PHACTR1: variants seen among roughly 807,000 people sequenced by gnomAD.
The protein encoded by PHACTR1 is phosphatase and actin regulator 1.
In PHACTR1, 16 loss-of-function variants were observed where a neutral mutation model predicts 69.2. That is an observed-to-expected ratio of 0.23 (90% CI 0.16 to 0.35). The LOEUF is 0.35. Ranked by LOEUF, PHACTR1 falls within the 10% of genes least tolerant of loss-of-function variation. The probability of loss-of-function intolerance (pLI) is 1.00; values close to 1 mark genes in which losing one functional copy is unlikely to be tolerated. For synonymous variants in PHACTR1, 312 were observed against 284.5 expected, an observed-to-expected ratio of 1.10 and a Z score of -0.97; for missense variants, 510 against 734.7, an observed-to-expected ratio of 0.69 and a Z score of 3.54.
intron 10 of PHACTR1, among the ~76,000 whole-genome samples, chr6:13,263,906 A>G (rs1045361854): frequency 6.6e-6 from 1 of 152,174 alleles, no homozygotes; most frequent in East Asian, 1.9e-4. Flanking sequence ...TAAGAGATGC[A>G]CCAGGTACAT....
chr6:13,217,337 A>G (rs1767840436), intron 8 of PHACTR1, among the ~76,000 whole-genome samples: 1 of 152,190 alleles, frequency 6.6e-6, no homozygotes, highest in South Asian at 2.1e-4. Flanking sequence ...GACTCGCACC[A>G]TTCTGCTGAC....
chr6:12,968,801 A>G (rs769389658), intron 4 of PHACTR1, among the ~76,000 whole-genome samples: 1 of 152,226 alleles, frequency 6.6e-6, no homozygotes, highest in Non-Finnish European at 1.5e-5. Flanking sequence ...CTAGAGTTCA[A>G]TGAAGGCATT....
intron 4 of PHACTR1, among the ~76,000 whole-genome samples, chr6:12,893,755 C>T (rs1784377730): frequency 6.6e-6 from 1 of 152,172 alleles, no homozygotes; most frequent in Admixed American, 6.5e-5. Flanking sequence ...GCTACTTCTC[C>T]CTCAGGGACA....
chr6:13,091,885 C>T (rs1813339936), intron 5 of PHACTR1, among the ~76,000 whole-genome samples: 1 of 152,156 alleles, frequency 6.6e-6, no homozygotes, highest in Non-Finnish European at 1.5e-5. Context: ...GCAACCTCTG[C>T]CTCCTGAGTT....
chr6:13,161,880 G>T (rs1759068711), intron 6 of PHACTR1, among the ~76,000 whole-genome samples: 1 of 152,198 alleles, frequency 6.6e-6, no homozygotes, highest in African/African-American at 2.4e-5. Flanking sequence ...GAATGTGAAG[G>T]TGCATGATTC....
intron 4 of PHACTR1, among the ~76,000 whole-genome samples, chr6:12,805,611 C>CTTTTT (rs1216399730): frequency 2.0e-5 from 3 of 150,456 alleles, no homozygotes; most frequent in Non-Finnish European, 4.4e-5. Context: ...TTCTTTCTTT[C>CTTTTT]TTTTTTTTGG....
At chr6:13,200,699 C>G (rs770408380) in intron 7 of PHACTR1, among the ~76,000 whole-genome samples, 45 of 151,632 alleles carry the variant, frequency 3.0e-4, no homozygotes, top group South Asian at 1.0e-3. Context: ...TTTGGGAGGC[C>G]GGGGTGGGTG....
In PHACTR1 at chr6:13,245,703, T is replaced by C. The variant is rs942535158; in HGVS notation, c.1391+15510T>C. On this transcript the variant is annotated intron_variant, in intron 10 of 14. Coordinates refer to ENST00000332995, the MANE Select transcript of PHACTR1 (RefSeq NM_030948.6). The surrounding 1 kb of genome is among the most constrained non-coding windows in gnomAD (Gnocchi z 4.1). ...ATTTTTTTTTTCGTTGCAATTGCTT[T>C]TGGCATCTTCATGAAATCTTTGCCA... Among the ~76,000 whole-genome samples the C allele has an allele frequency of 6.6e-6, 1 of 152,238 alleles. No individual in the cohort carries two copies. The highest frequency in any genetic ancestry group is 2.4e-5 in the African/African-American group (1 of 41,460).
chr6:13,263,261 T>TTC (rs1776162431), intron 10 of PHACTR1, among the ~76,000 whole-genome samples: 2 of 88,812 alleles, frequency 2.3e-5, no homozygotes, highest in Admixed American at 1.2e-4. Flanking sequence ...TTTTTTTTTT[T>TTC]CAGTCTTTCC....
chr6:13,271,643 T>C (rs901432461), intron 10 of PHACTR1, among the ~76,000 whole-genome samples: 2 of 152,272 alleles, frequency 1.3e-5, no homozygotes, highest in South Asian at 4.1e-4. Context: ...AAATTACTTA[T>C]ATCTAATACA....
At chr6:13,091,801 G>A (rs768303344) in intron 5 of PHACTR1, among the ~76,000 whole-genome samples, 23 of 151,872 alleles carry the variant, frequency 1.5e-4, no homozygotes, top group African/African-American at 2.4e-4. Flanking sequence ...AATAGGGTTC[G>A]CAATTCTTTT....
chr6:12,827,362 A>G (rs1776916914), intron 4 of PHACTR1, among the ~76,000 whole-genome samples: 2 of 152,226 alleles, frequency 1.3e-5, no homozygotes, highest in African/African-American at 2.4e-5. Flanking sequence ...CTGATTCATA[A>G]CATTACATTT....
chr6:12,752,363 A>G (rs889693051), intron 4 of PHACTR1, among the ~76,000 whole-genome samples: 3 of 152,250 alleles, frequency 2.0e-5, no homozygotes, highest in African/African-American at 4.8e-5. Flanking sequence ...TAATCTGGGC[A>G]TAGAGATAAT....
intron 10 of PHACTR1, among the ~76,000 whole-genome samples, chr6:13,247,360 T>TGA (rs1329207907): frequency 6.6e-6 from 1 of 151,642 alleles, no homozygotes; most frequent in African/African-American, 2.4e-5. Flanking sequence ...TGTGTGTGTG[T>TGA]GTGTGACGGA....
At position 13,123,510 on chromosome 6, in the gene PHACTR1, A is replaced by G. The variant is rs948294827; in HGVS notation, c.416-36694A>G. Among the ~76,000 whole-genome samples the G allele has an allele frequency of 6.6e-5, 10 of 152,334 alleles. No homozygotes were observed. In the South Asian group the frequency reaches 2.1e-3, roughly 32 times the overall value. On this transcript the variant is annotated intron_variant, in intron 5 of 14. Coordinates refer to ENST00000332995, the MANE Select transcript of PHACTR1 (RefSeq NM_030948.6). ...ATATTAAAATGGGAACAGGAAGGCC[A>G]CCTAAATTTAGATCCTACAGCCAGC...
chr6:13,227,274 G>A (rs1769924161), intron 8 of PHACTR1, among the ~76,000 whole-genome samples: 1 of 152,176 alleles, frequency 6.6e-6, no homozygotes, highest in Non-Finnish European at 1.5e-5. Context: ...TCCAGCCACA[G>A]CATTTCAGTC....
rs1480677692 is a variant in PHACTR1, at chr6:13,283,082, A to G, written c.1510-340A>G. Among the ~76,000 whole-genome samples the G allele has an allele frequency of 6.6e-6, 1 of 152,166 alleles. No homozygotes were observed. The highest frequency in any genetic ancestry group is 2.4e-5 in the African/African-American group (1 of 41,436). The stretch of plus-strand genomic sequence containing the variant: ...GAGTTGATTATTGTTGAAGCTGGTG[A>G]TAATACACCAAATTCATTACATTAG... On this transcript the variant is annotated intron_variant, in intron 12 of 14. Coordinates refer to ENST00000332995, the MANE Select transcript of PHACTR1 (RefSeq NM_030948.6). The surrounding 1 kb of genome is among the most constrained non-coding windows in gnomAD (Gnocchi z 4.7).
At chr6:13,079,720 A>G (rs893575528) in intron 5 of PHACTR1, among the ~76,000 whole-genome samples, 7 of 152,094 alleles carry the variant, frequency 4.6e-5, no homozygotes, top group East Asian at 1.9e-4. Context: ...TTATGTACCA[A>G]TCTCAGGGTG....
rs956656143 is a variant in PHACTR1, at chr6:12,992,783, C to T, written c.251-60582C>T. On this transcript the variant is annotated intron_variant, in intron 4 of 14. Transcript: ENST00000332995. ...GAGAGGGGCTCCCGAGTGGGTCTTC[C>T]GGTTCTGTGGTGAAATGCCCGGGGT... Among the ~76,000 whole-genome samples the T allele has an allele frequency of 3.9e-5, 6 of 152,122 alleles. 1 individual carries two copies. The highest frequency in any genetic ancestry group is 4.1e-4 in the South Asian group (2 of 4,824).
Sources: allele counts gnomAD v4.1 joint callset (sites outside exome capture counted in the v4.1 genomes callset), GRCh38; gene constraint gnomAD v4.1.1; non-coding constraint Gnocchi (gnomAD v3.1); transcripts MANE v1.5; gene names NCBI Gene and HGNC (gene_info 2026-07-23, HGNC 2026-07-21).